EXOC6B: variants seen among roughly 807,000 people sequenced by gnomAD.
EXOC6B encodes exocyst complex component 6B.
A neutral mutation model predicts 113.5 loss-of-function variants in EXOC6B; 54 were observed. That is an observed-to-expected ratio of 0.48 (90% confidence interval 0.38 to 0.60). The LOEUF (loss-of-function observed/expected upper bound fraction) is 0.60, where lower values mean the gene tolerates loss of function less well. Among genes scored for constraint, EXOC6B ranks in the 20% least tolerant of loss-of-function variants. The pLI is 0.00. For missense variants in EXOC6B, 797 were observed against 977.5 expected (o/e 0.82, Z 2.46); for synonymous variants, 357 against 339.0 (o/e 1.05, Z -0.58).
chr2:72,764,631 G>A (rs1682955019), intron 1 of EXOC6B, among the ~76,000 whole-genome samples: 1 of 151,954 alleles, frequency 6.6e-6, no homozygotes, highest in Non-Finnish European at 1.5e-5. Flanking sequence ...CTCCCAAAGT[G>A]CTGGGATGAC....
At chr2:72,642,235 A>C (rs1489376730) in intron 6 of EXOC6B, among the ~76,000 whole-genome samples, 8 of 150,328 alleles carry the variant, frequency 5.3e-5, no homozygotes, top group Admixed American at 2.0e-4. Flanking sequence ...GCTACCAATG[A>C]CTTTCTTCAC....
At chr2:72,533,388 T>C (rs1271328658) in intron 8 of EXOC6B, among the ~76,000 whole-genome samples, 2 of 152,206 alleles carry the variant, frequency 1.3e-5, no homozygotes, top group African/African-American at 4.8e-5. Flanking sequence ...GGATGAACTT[T>C]AGAGAACTGT....
chr2:72,344,540 T>G (rs1168782759), intron 19 of EXOC6B, among the ~76,000 whole-genome samples: 1 of 152,180 alleles, frequency 6.6e-6, no homozygotes. Context: ...TTGAATCTAA[T>G]AATGTGGCAA....
intron 20 of EXOC6B, among the ~76,000 whole-genome samples, chr2:72,310,260 A>G (rs1403216957): frequency 6.6e-6 from 1 of 152,108 alleles, no homozygotes; most frequent in African/African-American, 2.4e-5. Flanking sequence ...CCAACAACGA[A>G]TGAGGCATCC....
At position 72,240,149 on chromosome 2, in the gene EXOC6B, C is replaced by T. The variant is rs866789042; in HGVS notation, c.2197-55962G>A. The stretch of plus-strand genomic sequence containing the variant: ...AAAGATAGTGTTACTTCTGCCTTTC[C>T]AATCTGAATGCCTTCTATTTCCTTT... On this transcript the variant is annotated intron_variant, in intron 20 of 21. Coordinates refer to ENST00000272427, the MANE Select transcript of EXOC6B (RefSeq NM_015189.3). 3.9e-5 allele frequency among the ~76,000 whole-genome samples: 6 copies of T among 152,178 alleles called. No homozygotes were observed. The South Asian group carries it at 1.0e-3, about 26-fold the overall frequency.
At chr2:72,418,452 C>T (rs547160521) in intron 18 of EXOC6B, among the ~76,000 whole-genome samples, 1 of 152,162 alleles carries the variant, frequency 6.6e-6, no homozygotes, top group Admixed American at 6.5e-5. Flanking sequence ...ATGTATTTCT[C>T]CTATCAGTTC....
intron 20 of EXOC6B, among the ~76,000 whole-genome samples, chr2:72,282,504 A>G (rs1022536363): frequency 6.7e-6 from 1 of 148,552 alleles, no homozygotes; most frequent in African/African-American, 2.5e-5. Context: ...GGAAAAAGTT[A>G]AAAAAAAAAG....
intron 18 of EXOC6B, among the ~76,000 whole-genome samples, chr2:72,453,514 G>A (rs1360324245): frequency 6.6e-6 from 1 of 151,964 alleles, no homozygotes; most frequent in Non-Finnish European, 1.5e-5. Flanking sequence ...GTTTTTACAT[G>A]TTTGCAATAA....
intron 18 of EXOC6B, among the ~76,000 whole-genome samples, chr2:72,452,198 A>T (rs1696960296): frequency 6.6e-6 from 1 of 152,224 alleles, no homozygotes; most frequent in Non-Finnish European, 1.5e-5. Flanking sequence ...TATTTATAAT[A>T]AAGAGCTGTG....
intron 20 of EXOC6B, among the ~76,000 whole-genome samples, chr2:72,275,356 C>A (rs988314279): frequency 6.6e-6 from 1 of 152,110 alleles, no homozygotes; most frequent in Non-Finnish European, 1.5e-5. Context: ...ACTTGGAGTT[C>A]AAGCAACACT....
chr2:72,762,624 T>C lies in EXOC6B; in HGVS notation c.114-21155A>G, dbSNP rs144539627. 7.2e-3 allele frequency among the ~76,000 whole-genome samples: 1,100 copies of C among 152,114 alleles called. 9 individuals are homozygous for C. The highest frequency in any genetic ancestry group is 0.02 in the Middle Eastern group (6 of 294). On this transcript the variant is annotated intron_variant, in intron 1 of 21. Coordinates refer to ENST00000272427, the MANE Select transcript of EXOC6B (RefSeq NM_015189.3). The stretch of plus-strand genomic sequence containing the variant: ...AAGCAAAACCTTAGAAAATTTGTTG[T>C]CCGCAGACCCGCACTATAAAAACTG...
chr2:72,740,715 T>C (rs1334483984), intron 2 of EXOC6B, among the ~76,000 whole-genome samples: 3 of 152,184 alleles, frequency 2.0e-5, no homozygotes, highest in Non-Finnish European at 4.4e-5. Flanking sequence ...AACAGAAACA[T>C]GAAGAGTCAA....
At chr2:72,560,853 A>G (rs1479267318) in intron 7 of EXOC6B, among the ~76,000 whole-genome samples, 1 of 152,030 alleles carries the variant, frequency 6.6e-6, no homozygotes, top group Non-Finnish European at 1.5e-5. Flanking sequence ...AAAAAAAAAA[A>G]AAAGTTTAAG....
At chr2:72,645,527 C>G (rs1023825958) in intron 6 of EXOC6B, among the ~76,000 whole-genome samples, 9 of 152,216 alleles carry the variant, frequency 5.9e-5, no homozygotes, top group African/African-American at 2.2e-4. Flanking sequence ...CAAAATTGAC[C>G]ACACAGTTGG....
intron 11 of EXOC6B, among the ~76,000 whole-genome samples, chr2:72,505,436 T>C (rs1700546463): frequency 6.6e-6 from 1 of 152,190 alleles, no homozygotes; most frequent in African/African-American, 2.4e-5. Flanking sequence ...AATGACCATA[T>C]CAGAGGATCT....
chr2:72,595,060 A>C (rs1202581527), intron 6 of EXOC6B, among the ~76,000 whole-genome samples: 1 of 152,058 alleles, frequency 6.6e-6, no homozygotes, highest in Non-Finnish European at 1.5e-5. Context: ...GGAGTTCAAG[A>C]CCAACCTGAC....
intron 6 of EXOC6B, among the ~76,000 whole-genome samples, chr2:72,587,965 GT>G (rs1185496530): frequency 6.6e-6 from 1 of 151,974 alleles, no homozygotes; most frequent in Non-Finnish European, 1.5e-5. Context: ...GAGAATACAA[GT>G]TAAAACCACA....
intron 6 of EXOC6B, among the ~76,000 whole-genome samples, chr2:72,673,064 T>C (rs143532536): frequency 6.6e-6 from 1 of 152,120 alleles, no homozygotes. Flanking sequence ...ATATAATATG[T>C]ATCAATAAAA....
rs200652845 is a variant in EXOC6B at position 72,342,394 on chromosome 2, CAA to C, written c.2123-7376_2123-7375del. Among the ~76,000 whole-genome samples the C allele has an allele frequency of 9.7e-3, 1,472 of 151,780 alleles. 13 individuals carry two copies. Among genetic ancestry groups the C allele is most frequent in the Non-Finnish European group, 0.013 (849 of 67,878 alleles). On this transcript the variant is annotated intron_variant, in intron 19 of 21. Coordinates refer to ENST00000272427, the MANE Select transcript of EXOC6B (RefSeq NM_015189.3). Reference sequence around the variant, plus strand: ...CAAAGGACCTAAATAGACATTTTTCCAAAAAAGACATACAAATGACTATTGGG... The same window carrying C: ...CAAAGGACCTAAATAGACATTTTTCCAAAAGACATACAAATGACTATTGGG...
Sources: gnomAD v4.1 joint callset for allele counts (sites outside exome capture counted in the v4.1 genomes callset) on GRCh38, gnomAD v4.1.1 for gene constraint, MANE v1.5 for transcripts, NCBI Gene and HGNC (gene_info 2026-07-23, HGNC 2026-07-21) for gene names.